PPP1R12A: variants seen among roughly 807,000 people sequenced by gnomAD.
PPP1R12A encodes protein phosphatase 1 regulatory subunit 12A.
PPP1R12A carries 19 observed loss-of-function variants against 139.6 expected under a neutral mutation model. The observed-to-expected ratio is 0.14, with a 90% CI of 0.09 to 0.20. The LOEUF (loss-of-function observed/expected upper bound fraction) is 0.20. Ranked by LOEUF, PPP1R12A falls within the 10% of genes least tolerant of loss-of-function variation. The pLI, the probability that PPP1R12A is intolerant of heterozygous loss-of-function variation, is 1.00. For missense variants in PPP1R12A, 925 were observed against 1,211.5 expected, an observed-to-expected ratio of 0.76 and a Z score of 3.51; for synonymous variants, 427 against 420.6, an observed-to-expected ratio of 1.02 and a Z score of -0.19.
chr12:79,931,685 C>T (rs1169173259), intron 1 of PPP1R12A, among the ~76,000 whole-genome samples: 1 of 152,014 alleles, frequency 6.6e-6, no homozygotes, highest in Admixed American at 6.5e-5. Flanking sequence ...GATTATTGCC[C>T]CATTGGTAAT....
intron 1 of PPP1R12A, among the ~76,000 whole-genome samples, chr12:79,897,716 T>C (rs1592790580): frequency 6.6e-6 from 1 of 152,192 alleles, no homozygotes; most frequent in East Asian, 1.9e-4. Context: ...TACCACATCC[T>C]GCATCTCCTC....
intron 1 of PPP1R12A, among the ~76,000 whole-genome samples, chr12:79,924,359 T>C (rs528924916): frequency 5.3e-5 from 8 of 152,304 alleles, no homozygotes; most frequent in African/African-American, 1.9e-4. Context: ...ACTGTAGAAA[T>C]TAAAATATCT....
chr12:79,843,785 C>A (rs1879061832), intron 3 of PPP1R12A, among the ~76,000 whole-genome samples: 2 of 151,236 alleles, frequency 1.3e-5, no homozygotes, highest in South Asian at 2.1e-4. Context: ...CTCACTGCGA[C>A]CTCCGCCTCC....
chr12:79,861,744 C>T (rs538199100), intron 2 of PPP1R12A, among the ~76,000 whole-genome samples: 6 of 152,056 alleles, frequency 3.9e-5, no homozygotes, highest in Admixed American at 1.3e-4. Flanking sequence ...GGGAGCTTGG[C>T]GGGGGGAAAG....
At chr12:79,851,730 C>T (rs1045706344) in intron 2 of PPP1R12A, among the ~76,000 whole-genome samples, 6 of 152,134 alleles carry the variant, frequency 3.9e-5, no homozygotes, top group African/African-American at 1.4e-4. Context: ...TCCAGCCATG[C>T]CCTCTTTCTC....
chr12:79,934,548 G>T (rs1888521564), intron 1 of PPP1R12A, 147 bp downstream of exon 1: 1 of 720,670 alleles, frequency 1.4e-6, no homozygotes, highest in Non-Finnish European at 2.2e-6. Context: ...TCTCCCTCCC[G>T]CCCTCTGGGG....
At chr12:79,862,227 G>A (rs1430124729) in intron 2 of PPP1R12A, among the ~76,000 whole-genome samples, 1 of 152,178 alleles carries the variant, frequency 6.6e-6, no homozygotes, top group Non-Finnish European at 1.5e-5. Flanking sequence ...CATCTGAGGG[G>A]CCTGTTAGAA....
intron 2 of PPP1R12A, among the ~76,000 whole-genome samples, chr12:79,870,260 C>T (rs937119331): frequency 1.3e-5 from 2 of 152,014 alleles, no homozygotes; most frequent in African/African-American, 2.4e-5. Context: ...GTAGCTGGGA[C>T]ACATCATTGT....
intron 23 of PPP1R12A, chr12:79,780,140 G>A (rs1320773852): frequency 6.6e-6 from 1 of 152,040 alleles, no homozygotes; most frequent in Non-Finnish European, 1.5e-5. Flanking sequence ...GGAACTGGAG[G>A]ATGCAGTGAT....
At chr12:79,843,300 G>C (rs1315671828) in intron 3 of PPP1R12A, among the ~76,000 whole-genome samples, 1 of 152,002 alleles carries the variant, frequency 6.6e-6, no homozygotes, top group Non-Finnish European at 1.5e-5. Context: ...GGTAGGCTGG[G>C]AGTGCTGGCT....
intron 1 of PPP1R12A, among the ~76,000 whole-genome samples, chr12:79,887,348 C>T (rs1024787714): frequency 6.6e-6 from 1 of 152,016 alleles, no homozygotes; most frequent in African/African-American, 2.4e-5. Flanking sequence ...TAGAAACTGC[C>T]TTACACATTC....
rs1885412652 is a variant in PPP1R12A at position 79,899,236 on chromosome 12, AT to A, written c.238-26299del. Among the ~76,000 whole-genome samples, 18 of 3,612 alleles carry A rather than the reference AT, an allele frequency of 5.0e-3. No homozygotes were observed. The South Asian group carries it at 0.077, about 15-fold the overall frequency. The allele number at this position is 3,612 out of a possible 152,430, so 2.4% of individuals were successfully genotyped here. On this transcript the variant is annotated intron_variant, in intron 1 of 24. Transcript: ENST00000450142. ...AATGAAATGCAGAGATCTTAAAAATATATATATATATATATATATATATATA... is the reference window on the plus strand; with the variant it reads ...AATGAAATGCAGAGATCTTAAAAATAATATATATATATATATATATATATA...
At chr12:79,924,556 G>A (rs1448715817) in intron 1 of PPP1R12A, among the ~76,000 whole-genome samples, 1 of 151,732 alleles carries the variant, frequency 6.6e-6, no homozygotes, top group Non-Finnish European at 1.5e-5. Flanking sequence ...AGCCTCCTGA[G>A]TAGCTGGGAC....
chr12:79,909,862 C>G (rs902826287), intron 1 of PPP1R12A, among the ~76,000 whole-genome samples: 3 of 151,850 alleles, frequency 2.0e-5, no homozygotes, highest in African/African-American at 7.3e-5. Flanking sequence ...GGCATCATAT[C>G]CGGCTAATTT....
At chr12:79,886,115 T>C (rs1884079781) in intron 1 of PPP1R12A, among the ~76,000 whole-genome samples, 1 of 152,202 alleles carries the variant, frequency 6.6e-6, no homozygotes, top group African/African-American at 2.4e-5. Flanking sequence ...AATGTCAGTA[T>C]GTTTAAAGAG....
chr12:79,801,876 C>T (rs2137044908), intron 14 of PPP1R12A, among the ~76,000 whole-genome samples: 1 of 152,202 alleles, frequency 6.6e-6, no homozygotes, highest in East Asian at 1.9e-4. Context: ...AAGAAATTTA[C>T]AAGAGGGAGT....
intron 1 of PPP1R12A, among the ~76,000 whole-genome samples, chr12:79,902,926 C>T (rs190701909): frequency 1.3e-5 from 2 of 152,098 alleles, no homozygotes; most frequent in African/African-American, 4.8e-5. Context: ...AATTATCATT[C>T]CCGTGCATGC....
rs532934106 is a variant in PPP1R12A, at chr12:79,821,492, C to A, written c.868-326G>T. 9.5e-4 allele frequency among the ~76,000 whole-genome samples: 145 copies of A among 152,264 alleles called. 1 individual carries two copies. Among genetic ancestry groups the A allele is most frequent in the African/African-American group, 2.5e-3 (102 of 41,556 alleles). On this transcript the variant is annotated intron_variant, in intron 6 of 24. Transcript: ENST00000450142. ...TTCTGGCTGGGCGCAGTGGCTCACA[C>A]CTGTAATCCTAGCACTTTGGGAGGC...
At chr12:79,837,429 A>G (rs12311022) in intron 3 of PPP1R12A, among the ~76,000 whole-genome samples, 53 of 152,350 alleles carry the variant, frequency 3.5e-4, no homozygotes, top group African/African-American at 1.3e-3. Flanking sequence ...ATAACTAGTT[A>G]TTGATCAAAT....
Sources: allele counts gnomAD v4.1 joint callset (sites outside exome capture counted in the v4.1 genomes callset), GRCh38; gene constraint gnomAD v4.1.1; transcripts MANE v1.5; gene names NCBI Gene and HGNC (gene_info 2026-07-23, HGNC 2026-07-21).